Variants in GATA5 observed in about 807,000 individuals in gnomAD.
The protein encoded by GATA5 is GATA binding protein 5.
In GATA5, 27 loss-of-function variants were observed where a neutral mutation model predicts 35.0. That is an observed-to-expected ratio of 0.77 (90% CI 0.57 to 1.06). The LOEUF (loss-of-function observed/expected upper bound fraction) is 1.06. Among genes scored for constraint, GATA5 ranks in the 50% least tolerant of loss-of-function variants. GATA5 has a pLI of 0.00. For missense variants in GATA5, 612 were observed against 580.0 expected (o/e 1.06, Z -0.57); for synonymous variants, 306 against 267.8 (o/e 1.14, Z -1.39).
intron 2 of GATA5, among the ~76,000 whole-genome samples, chr20:62,474,209 T>C (rs113340323): frequency 6.6e-6 from 1 of 152,120 alleles, no homozygotes; most frequent in Non-Finnish European, 1.5e-5. Context: ...ACTGTGCGGC[T>C]GGGGGTGGAG....
In GATA5 at chr20:62,475,226, G is replaced by A; in HGVS notation, c.296C>T (p.Pro99Leu). The change falls in exon 2 of 7, where the codon CCC (proline) becomes CTC (leucine). Residue 99 changes from proline to leucine, a missense_variant. Physicochemically the swap from Pro to Leu is moderately conservative, Grantham distance 98. Transcript: ENST00000252997. ...GCTGCCGCCGCTGCCGGGCCCCGAG[G>A]GGCTGTGCGCGAAAGGGAAGGCGGT... ...GATAFPFAHSPSGPGSGGSAG... is the reference protein window; with the variant it reads ...GATAFPFAHSLSGPGSGGSAG... The A allele has an allele frequency of 8.0e-7, 1 of 1,249,560 alleles. No individual in the cohort carries two copies. Among genetic ancestry groups the A allele is most frequent in the Non-Finnish European group, 1.0e-6 (1 of 996,172 alleles). The allele number at this position is 1,249,560 out of a possible 1,614,324, so 77.4% of individuals were successfully genotyped here. A position where few individuals can be genotyped will look rare whatever the true frequency, so the allele number is the denominator to read the frequency against.
chr20:62,469,366 C>T (rs1445954613), intron 3 of GATA5, among the ~76,000 whole-genome samples: 1 of 152,224 alleles, frequency 6.6e-6, no homozygotes, highest in Non-Finnish European at 1.5e-5. Context: ...GCAGTCCCCG[C>T]CTTCAGACTG....
intron 3 of GATA5, 123 bp downstream of exon 3, chr20:62,473,280 G>A: frequency 9.2e-7 from 1 of 1,091,472 alleles, no homozygotes; most frequent in South Asian, 1.4e-5. Flanking sequence ...CGGGCACCCA[G>A]GCTGTTTTTG....
At chr20:62,469,442 G>A (rs546731880) in intron 3 of GATA5, among the ~76,000 whole-genome samples, 58 of 152,182 alleles carry the variant, frequency 3.8e-4, no homozygotes, top group Non-Finnish European at 7.3e-4. Context: ...GTCTGGGACC[G>A]GCCATCACCC....
At chr20:62,474,434 TG>T in intron 2 of GATA5, among the ~76,000 whole-genome samples, 1 of 152,278 alleles carries the variant, frequency 6.6e-6, no homozygotes, top group Admixed American at 6.5e-5. Context: ...GCTCCGGAGC[TG>T]GGTGTCGAGG....
intron 3 of GATA5, among the ~76,000 whole-genome samples, chr20:62,471,224 G>A (rs1283976977): frequency 6.6e-6 from 1 of 152,018 alleles, no homozygotes; most frequent in Non-Finnish European, 1.5e-5. Flanking sequence ...ACACCAGAGT[G>A]TCCCGGTGCT....
chr20:62,465,916 C>A lies in GATA5; in HGVS notation c.831G>T (p.Pro277=). The change falls in exon 5 of 7, where the codon CCG becomes CCT. Residue 277 remains proline (P), a synonymous_variant. Transcript: ENST00000252997. ...TTTCCTTCTTCATAGCCAGAGGCCG[C>A]GGCACCTGGCAGGGGTGGCGAGGGT... ...CGLYMKLHGV[P]RPLAMKKESI... The A allele has an allele frequency of 6.3e-7, 1 of 1,588,296 alleles. No individual in the cohort carries two copies. Among genetic ancestry groups the A allele is most frequent in the Non-Finnish European group, 8.6e-7 (1 of 1,167,606 alleles).
At chr20:62,466,402 C>T (rs781845600) in intron 4 of GATA5, 24 bp downstream of exon 4, 2 of 1,562,984 alleles carry the variant, frequency 1.3e-6, no homozygotes, top group Non-Finnish European at 8.7e-7. Context: ...GGCCTCCCCG[C>T]CCTGCCCCGG....
rs1358867866 is a variant in GATA5, at chr20:62,470,669, G to A, written c.699+2734C>T. On this transcript the variant is annotated intron_variant, in intron 3 of 6. Transcript: ENST00000252997. The surrounding 1 kb of genome is among the most constrained non-coding windows in gnomAD (Gnocchi z 4.6). Reference sequence around the variant, plus strand: ...ACTTCCTGGAGCTGGTGCCAGAGGTGGCTCAGGGCTAGGAGGTCTGCTGTC... The same window carrying A: ...ACTTCCTGGAGCTGGTGCCAGAGGTAGCTCAGGGCTAGGAGGTCTGCTGTC... Among the ~76,000 whole-genome samples the A allele has an allele frequency of 6.6e-6, 1 of 152,138 alleles. No individual in the cohort carries two copies. The highest frequency in any genetic ancestry group is 2.4e-5 in the African/African-American group (1 of 41,436).
intron 3 of GATA5, among the ~76,000 whole-genome samples, chr20:62,466,882 G>A (rs368088195): frequency 2.0e-5 from 3 of 152,204 alleles, no homozygotes; most frequent in African/African-American, 7.2e-5. Context: ...CACCAACCCT[G>A]CGCCTGGACC....
chr20:62,473,642 G>A (rs1329341953), intron 2 of GATA5, 64 bp from the exon 3 acceptor site: 1 of 1,488,704 alleles, frequency 6.7e-7, no homozygotes, highest in African/African-American at 1.4e-5. Context: ...CCAGCTCATG[G>A]GCCGGCACCC....
chr20:62,464,742 T>C lies in GATA5; in HGVS notation c.*94A>G. ...CCAGTCTCTGGGTTGGGGGGCCTGC[T>C]GGTCTCTGCTGTGCTGGAGCAAAGC... On this transcript the variant is annotated 3_prime_UTR_variant, in exon 7 of 7. Transcript: ENST00000252997. The C allele has an allele frequency of 2.7e-6, 3 of 1,130,862 alleles. No homozygotes were observed. The highest frequency in any genetic ancestry group is 3.3e-5 in the South Asian group (2 of 60,240). 70.1% of individuals were successfully genotyped at this position (1,130,862 alleles called of 1,614,324 possible).
intron 3 of GATA5, among the ~76,000 whole-genome samples, chr20:62,471,052 A>C (rs1436136021): frequency 6.6e-6 from 1 of 152,110 alleles, no homozygotes; most frequent in Non-Finnish European, 1.5e-5. Flanking sequence ...TCCTCTCCCC[A>C]CTTCTCAGAT....
chr20:62,467,009 C>T (rs1293852684), intron 3 of GATA5, among the ~76,000 whole-genome samples: 1 of 152,248 alleles, frequency 6.6e-6, no homozygotes, highest in East Asian at 1.9e-4. Context: ...CCGGGGGGCC[C>T]CACCGGACAG....
intron 3 of GATA5, among the ~76,000 whole-genome samples, chr20:62,469,993 C>A (rs1555896416): frequency 6.6e-6 from 1 of 152,250 alleles, no homozygotes; most frequent in Non-Finnish European, 1.5e-5. Flanking sequence ...GCCCAACAAG[C>A]AGCCCAGCCT....
Position 62,466,496 on chromosome 20 carries a change from G to T in GATA5, c.755C>A (p.Thr252Lys), listed in dbSNP as rs143901995. Residue 252 changes from threonine to lysine, a missense_variant, in exon 4 of 7, where the codon ACG becomes AAG. Thr to Lys is a moderately conservative substitution (Grantham distance 78). Coordinates refer to ENST00000252997, the MANE Select transcript of GATA5 (RefSeq NM_080473.5). Reference protein sequence around the residue: ...CCTNCHTTNTTLWRRNSEGEP... With the variant: ...CCTNCHTTNTKLWRRNSEGEP... ...CCCCTCCGAGTTCCGCCGCCACAGC[G>T]TGGTGTTGGTCGTGTGGCAGTTGGT... The T allele has an allele frequency of 1.3e-6, 2 of 1,570,364 alleles. No individual in the cohort carries two copies. The highest frequency in any genetic ancestry group is 1.9e-5 in the Admixed American group (1 of 53,762).
At chr20:62,472,506 C>T (rs1419712677) in intron 3 of GATA5, among the ~76,000 whole-genome samples, 2 of 152,224 alleles carry the variant, frequency 1.3e-5, no homozygotes, top group South Asian at 2.1e-4. Flanking sequence ...TGATCGACCC[C>T]GCACGGAGTC....
At position 62,470,191 on chromosome 20, in the gene GATA5, C is replaced by T. The variant is rs1374226289; in HGVS notation, c.699+3212G>A. ...ATCAGGCTCTGGGCAGGGCAGGGCCCGGGCCGGTGCTGGCGGAAATTCAAG... is the reference window on the plus strand; with the variant it reads ...ATCAGGCTCTGGGCAGGGCAGGGCCTGGGCCGGTGCTGGCGGAAATTCAAG... On this transcript the variant is annotated intron_variant, in intron 3 of 6. Coordinates refer to ENST00000252997, the MANE Select transcript of GATA5 (RefSeq NM_080473.5). This position sits in a 1 kb window ranked among gnomAD's most constrained non-coding sequence, Gnocchi z 4.6. 6.6e-6 allele frequency among the ~76,000 whole-genome samples: 1 copy of T among 152,252 alleles called. No individual in the cohort carries two copies. The highest frequency in any genetic ancestry group is 2.4e-5 in the African/African-American group (1 of 41,470).
Position 62,464,719 on chromosome 20 carries a change from A to G in GATA5, c.*117T>C, listed in dbSNP as rs980332454. ...ACTGTGTGGAGACTCCAGCAGACCC[A>G]GTCTCTGGGTTGGGGGGCCTGCTGG... On this transcript the variant is annotated 3_prime_UTR_variant, in exon 7 of 7. Coordinates refer to ENST00000252997, the MANE Select transcript of GATA5 (RefSeq NM_080473.5). 4 of 902,298 alleles carry G rather than the reference A, an allele frequency of 4.4e-6. No homozygotes were observed. Among genetic ancestry groups the G allele is most frequent in the East Asian group, 2.8e-5 (1 of 35,820 alleles). 55.9% of individuals were successfully genotyped at this position (902,298 alleles called of 1,614,324 possible).
Sources: allele counts gnomAD v4.1 joint callset (sites outside exome capture counted in the v4.1 genomes callset), GRCh38; gene constraint gnomAD v4.1.1; non-coding constraint Gnocchi (gnomAD v3.1); transcripts MANE v1.5; gene names NCBI Gene and HGNC (gene_info 2026-07-23, HGNC 2026-07-21).